Variants in WDR19 observed in about 807,000 individuals in gnomAD.
The protein encoded by WDR19 is WD repeat domain 19, also known as WD repeat-containing protein 19.
A neutral mutation model predicts 180.0 loss-of-function variants in WDR19; 121 were observed. The observed-to-expected ratio is 0.67, with a 90% CI of 0.58 to 0.78. WDR19 has a LOEUF of 0.78. Among genes scored for constraint, WDR19 ranks in the 30% least tolerant of loss-of-function variants. WDR19 has a pLI of 0.00. For missense variants in WDR19, 1,450 were observed against 1,640.7 expected (o/e 0.88, Z 2.01); for synonymous variants, 497 against 540.7 (o/e 0.92, Z 1.12).
intron 28 of WDR19, among the ~76,000 whole-genome samples, chr4:39,261,805 CATT>C (rs1410886986): frequency 6.6e-6 from 1 of 152,224 alleles, no homozygotes; most frequent in African/African-American, 2.4e-5. Flanking sequence ...AGTACTTTCT[CATT>C]GTTGTGTTTC....
At chr4:39,204,623 C>T (rs1727758638) in intron 7 of WDR19, among the ~76,000 whole-genome samples, 3 of 152,148 alleles carry the variant, frequency 2.0e-5, no homozygotes, top group Admixed American at 2.0e-4. Context: ...ATAATTACAT[C>T]CTCCACTGGG....
Position 39,228,318 on chromosome 4 carries a change from A to G in WDR19, c.1738A>G (p.Lys580Glu), listed in dbSNP as rs1730488511. The stretch of plus-strand genomic sequence containing the variant: ...TGTATTTATTGCTTATGATGATGAT[A>G]AGGTGTACACTTATGTCTTTCACAA... ...KGVFIAYDDD[K>E]VYTYVFHKDT... The change falls in exon 16 of 37, where the codon AAG (lysine) becomes GAG (glutamate). Residue 580 changes from lysine (K) to glutamate (E), a missense_variant. By Grantham distance (56) the Lys-to-Glu change is moderately conservative. Transcript: ENST00000399820. 2 of 1,613,420 alleles carry G rather than the reference A, an allele frequency of 1.2e-6. 1 individual carries two copies.
chr4:39,200,217 G>A (rs1248934598), intron 6 of WDR19, among the ~76,000 whole-genome samples: 1 of 152,182 alleles, frequency 6.6e-6, no homozygotes, highest in Non-Finnish European at 1.5e-5. Flanking sequence ...CTAGGCACAT[G>A]GCACTGTGCT....
At chr4:39,255,813 G>A in intron 26 of WDR19, 35 bp from the exon 27 acceptor site, 1 of 1,258,448 alleles carries the variant, frequency 7.9e-7, no homozygotes, top group Non-Finnish European at 1.1e-6. Flanking sequence ...AACAAATTTT[G>A]CTCAGATATT....
At chr4:39,229,998 C>A (rs1365347185) in intron 17 of WDR19, among the ~76,000 whole-genome samples, 1 of 152,194 alleles carries the variant, frequency 6.6e-6, no homozygotes, top group Non-Finnish European at 1.5e-5. Flanking sequence ...ATGTAACTAA[C>A]CACTTCCTAA....
Position 39,228,531 on chromosome 4 carries a change from A to G in WDR19, c.1823A>G (p.His608Arg). The G allele has an allele frequency of 6.2e-7, 1 of 1,613,974 alleles. No individual in the cohort carries two copies. Among genetic ancestry groups the G allele is most frequent in the Non-Finnish European group, 8.5e-7 (1 of 1,179,838 alleles). The change falls in exon 17 of 37, where the codon CAT becomes CGT. Residue 608 changes from histidine to arginine, a missense_variant. Transcript: ENST00000399820. ...GGTAGCACCAAAGTTCCTTTTGCTC[A>G]TAAACCTTTGCTGCTATATAATGGA... ...LAGSTKVPFA[H>R]KPLLLYNGEL...
chr4:39,273,342 G>A lies in WDR19; in HGVS notation c.3565+281G>A, dbSNP rs1305607863. The stretch of plus-strand genomic sequence containing the variant: ...GAAGGATTCACGCAAAGGCGAGCAG[G>A]TGCAGGCACGGACCTCCAAGAGTCC... On this transcript the variant is annotated intron_variant, in intron 32 of 36. Transcript: ENST00000399820. The A allele has an allele frequency of 4.1e-5, 17 of 411,778 alleles. No homozygotes were observed. In the South Asian group the frequency reaches 4.6e-4, roughly 11 times the overall value. 25.5% of individuals were successfully genotyped at this position (411,778 alleles called of 1,614,324 possible).
chr4:39,216,069 G>T, intron 11 of WDR19, 27 bp from the exon 12 acceptor site: 1 of 1,542,076 alleles, frequency 6.5e-7, no homozygotes, highest in Admixed American at 2.1e-5. Flanking sequence ...TTTAGCCGTT[G>T]ATTTATTACT....
chr4:39,275,182 A>C, intron 33 of WDR19: 2 of 528,518 alleles, frequency 3.8e-6, no homozygotes, highest in South Asian at 3.9e-5. Context: ...TCTACTAAAA[A>C]TACAAAAATT....
chr4:39,227,772 A>G (rs564437564), intron 15 of WDR19, among the ~76,000 whole-genome samples: 1 of 152,336 alleles, frequency 6.6e-6, no homozygotes, highest in South Asian at 2.1e-4. Flanking sequence ...TTTGAAATAA[A>G]GTATCCCTAG....
At chr4:39,226,392 G>A (rs1468750486) in intron 15 of WDR19, among the ~76,000 whole-genome samples, 1 of 152,130 alleles carries the variant, frequency 6.6e-6, no homozygotes, top group Non-Finnish European at 1.5e-5. Context: ...TACTTTGTAG[G>A]GTTGTTAAAT....
intron 9 of WDR19, among the ~76,000 whole-genome samples, chr4:39,209,807 T>C (rs1423187595): frequency 6.6e-6 from 1 of 151,092 alleles, no homozygotes; most frequent in East Asian, 1.9e-4. Flanking sequence ...AATAAGAGAA[T>C]AGACACAACA....
Position 39,184,668 on chromosome 4 carries a change from A to T in WDR19, c.7-1058A>T, listed in dbSNP as rs570741797. On this transcript the variant is annotated intron_variant, in intron 1 of 36. Coordinates refer to ENST00000399820, the MANE Select transcript of WDR19 (RefSeq NM_025132.4). ...ATTTTAGTAGAGACGAGGTTTCGCC[A>T]TGTTGGCCAGGCGGTGTTTAATTTT... Among the ~76,000 whole-genome samples the T allele has an allele frequency of 5.3e-5, 8 of 152,188 alleles. No individual in the cohort carries two copies. In the South Asian group the frequency reaches 1.7e-3, roughly 32 times the overall value.
chr4:39,212,528 A>G (rs994388853), intron 9 of WDR19, among the ~76,000 whole-genome samples: 12 of 152,340 alleles, frequency 7.9e-5, no homozygotes, highest in African/African-American at 2.6e-4. Context: ...GCGGTGCCTC[A>G]CATCTGTAAT....
At chr4:39,278,242 TTCTCCC>T in intron 35 of WDR19, 35 bp downstream of exon 35, 1 of 1,542,052 alleles carries the variant, frequency 6.5e-7, no homozygotes, top group Non-Finnish European at 8.8e-7. Flanking sequence ...TCTCACTGAT[TTCTCCC>T]GACACAGGCC....
At chr4:39,200,328 C>G (rs181854568) in intron 6 of WDR19, among the ~76,000 whole-genome samples, 57 of 152,282 alleles carry the variant, frequency 3.7e-4, no homozygotes, top group Non-Finnish European at 6.5e-4. Flanking sequence ...TAAAACAACA[C>G]TTACTATTTC....
chr4:39,228,549 A>G lies in WDR19; in HGVS notation c.1841A>G (p.Tyr614Cys), dbSNP rs780273002. ...VPFAHKPLLLYNGELTCQTQS... is the reference protein window; with the variant it reads ...VPFAHKPLLLCNGELTCQTQS... Reference sequence around the variant, plus strand: ...TTTGCTCATAAACCTTTGCTGCTATATAATGGAGAGCTGACCTGCCAAACA... The same window carrying G: ...TTTGCTCATAAACCTTTGCTGCTATGTAATGGAGAGCTGACCTGCCAAACA... The change falls in exon 17 of 37, where the codon TAT becomes TGT. Residue 614 changes from tyrosine to cysteine, a missense_variant. Physicochemically the swap from Tyr to Cys is radical, Grantham distance 194. Coordinates refer to ENST00000399820, the MANE Select transcript of WDR19 (RefSeq NM_025132.4). The G allele has an allele frequency of 2.4e-5, 38 of 1,613,992 alleles. No individual in the cohort carries two copies. Among genetic ancestry groups the G allele is most frequent in the Non-Finnish European group, 3.2e-5 (38 of 1,179,850 alleles).
chr4:39,284,911 G>A (rs1369202870), intron 36 of WDR19, among the ~76,000 whole-genome samples: 2 of 151,962 alleles, frequency 1.3e-5, no homozygotes, highest in Non-Finnish European at 2.9e-5. Context: ...ATAGCCAGGC[G>A]CAGAACCTGT....
chr4:39,208,812 A>C (rs1728211455), intron 9 of WDR19, among the ~76,000 whole-genome samples: 1 of 152,190 alleles, frequency 6.6e-6, no homozygotes, highest in Non-Finnish European at 1.5e-5. Context: ...AAGATGACTG[A>C]AAGTATATGG....
Sources: allele counts gnomAD v4.1 joint callset (sites outside exome capture counted in the v4.1 genomes callset), GRCh38; gene constraint gnomAD v4.1.1; transcripts MANE v1.5; gene names NCBI Gene and HGNC (gene_info 2026-07-23, HGNC 2026-07-21).